The following SLC22A4 variants were observed in gnomAD, a reference collection of about 807,000 sequenced individuals.
The protein encoded by SLC22A4 is solute carrier family 22 member 4, also known as ET transporter.
In SLC22A4, 39 loss-of-function variants were observed where a neutral mutation model predicts 56.6. The ratio of observed to expected loss-of-function variants is 0.69; its 90% CI spans 0.53 to 0.90. The LOEUF is 0.90. Ranked by LOEUF, SLC22A4 falls within the 40% of genes least tolerant of loss-of-function variation. SLC22A4 has a pLI of 0.00. For missense variants in SLC22A4, 594 were observed against 696.5 expected (o/e 0.85, Z 1.66); for synonymous variants, 241 against 281.4 (o/e 0.86, Z 1.44).
chr5:132,343,019 GCTAT>G (rs1274472946), intron 9 of SLC22A4, among the ~76,000 whole-genome samples: 4 of 152,162 alleles, frequency 2.6e-5, no homozygotes, highest in African/African-American at 9.7e-5. Flanking sequence ...CCACCCTGAA[GCTAT>G]CTAAGGGCCC....
Position 132,340,557 on chromosome 5 carries a change from C to T in SLC22A4, c.1445-8C>T, listed in dbSNP as rs372338512. ...CTGATTGATGTTCTTATGTCCCGGG[C>T]TTTACAGGTGCTTACAACAGAATGC... On this transcript the variant is annotated splice_polypyrimidine_tract_variant and splice_region_variant and intron_variant, in intron 8 of 9. Coordinates refer to ENST00000200652, the MANE Select transcript of SLC22A4 (RefSeq NM_003059.3). 5.2e-4 allele frequency: 842 copies of T among 1,613,584 alleles called. 1 individual carries two copies. Among genetic ancestry groups the T allele is most frequent in the Non-Finnish European group, 6.0e-4 (703 of 1,179,674 alleles).
intron 5 of SLC22A4, among the ~76,000 whole-genome samples, chr5:132,329,708 G>C (rs1426240350): frequency 6.6e-6 from 1 of 152,178 alleles, no homozygotes; most frequent in African/African-American, 2.4e-5. Flanking sequence ...CTTGGCTTCA[G>C]AAGAAGCACC....
intron 3 of SLC22A4, among the ~76,000 whole-genome samples, chr5:132,319,455 T>C (rs1347886976): frequency 6.6e-6 from 1 of 152,204 alleles, no homozygotes; most frequent in East Asian, 1.9e-4. Context: ...TCTTGGAAGG[T>C]AGACCAGTAT....
At chr5:132,340,420 A>G (rs1009280474) in intron 8 of SLC22A4, 145 bp from the exon 9 acceptor site, 15 of 805,212 alleles carry the variant, frequency 1.9e-5, no homozygotes, top group Non-Finnish European at 3.1e-5. Context: ...AAAGAAACTG[A>G]TATTTTGCTT....
At chr5:132,341,533 A>G (rs1751218345) in intron 9 of SLC22A4, among the ~76,000 whole-genome samples, 2 of 152,230 alleles carry the variant, frequency 1.3e-5, no homozygotes, top group Admixed American at 6.5e-5. Flanking sequence ...ATAAAACCCA[A>G]GAAAATATAA....
chr5:132,321,440 T>A (rs561971136), intron 3 of SLC22A4, among the ~76,000 whole-genome samples: 1 of 152,270 alleles, frequency 6.6e-6, no homozygotes, highest in East Asian at 1.9e-4. Context: ...TTCAGAACTG[T>A]TGGAAAGGCT....
At chr5:132,325,480 C>T (rs1429055804) in intron 4 of SLC22A4, among the ~76,000 whole-genome samples, 1 of 152,074 alleles carries the variant, frequency 6.6e-6, no homozygotes, top group Non-Finnish European at 1.5e-5. Context: ...CCTATAGGGA[C>T]CCACTAAAGG....
chr5:132,322,094 A>G (rs1580835277), intron 3 of SLC22A4, 90 bp from the exon 4 acceptor site: 1 of 1,176,176 alleles, frequency 8.5e-7, no homozygotes, highest in East Asian at 2.4e-5. Flanking sequence ...CTAAGTGGTG[A>G]TAGTTTGAAC....
intron 4 of SLC22A4, among the ~76,000 whole-genome samples, chr5:132,323,986 A>T (rs1025324043): frequency 1.3e-5 from 2 of 152,180 alleles, no homozygotes; most frequent in Non-Finnish European, 2.9e-5. Flanking sequence ...TTAGCCCAGC[A>T]GTTCAAAACC....
At chr5:132,323,310 G>A (rs1251044861) in intron 4 of SLC22A4, among the ~76,000 whole-genome samples, 3 of 152,304 alleles carry the variant, frequency 2.0e-5, no homozygotes, top group African/African-American at 7.2e-5. Flanking sequence ...CCTGTCCTTT[G>A]GATACCTCCT....
intron 1 of SLC22A4, among the ~76,000 whole-genome samples, chr5:132,307,115 A>G (rs533046469): frequency 1.3e-5 from 2 of 152,370 alleles, no homozygotes; most frequent in South Asian, 2.1e-4. Context: ...TATAAATCAT[A>G]TCTCAATAAA....
intron 1 of SLC22A4, among the ~76,000 whole-genome samples, chr5:132,308,131 G>A (rs35316456): frequency 0.073 from 11,096 of 152,200 alleles, 541 homozygotes; most frequent in East Asian, 0.27. Flanking sequence ...TCTGCTGGAG[G>A]ATGGTGAGGA....
chr5:132,322,368 C>T lies in SLC22A4; in HGVS notation c.824+13C>T. ...TCCCGCTGTGGTGGTGAGTGTGACTCGTCCCCAGACAGGCCCTCTGCTGCG... is the reference window on the plus strand; with the variant it reads ...TCCCGCTGTGGTGGTGAGTGTGACTTGTCCCCAGACAGGCCCTCTGCTGCG... On this transcript the variant is annotated intron_variant, in intron 4 of 9. Coordinates refer to ENST00000200652, the MANE Select transcript of SLC22A4 (RefSeq NM_003059.3). The T allele has an allele frequency of 3.7e-6, 6 of 1,612,314 alleles. No individual in the cohort carries two copies. The highest frequency in any genetic ancestry group is 5.1e-6 in the Non-Finnish European group (6 of 1,179,290).
chr5:132,315,404 C>T (rs1420787765), intron 3 of SLC22A4, among the ~76,000 whole-genome samples: 12 of 152,140 alleles, frequency 7.9e-5, no homozygotes, highest in Admixed American at 7.9e-4. Flanking sequence ...CAGGTGGTGG[C>T]ATCCCCGGTT....
At chr5:132,334,675 C>T (rs202220757) in intron 6 of SLC22A4, 43 bp from the exon 7 acceptor site, 299 of 1,376,692 alleles carry the variant, frequency 2.2e-4, no homozygotes, top group Non-Finnish European at 2.7e-4. Flanking sequence ...AATTTTAGAG[C>T]GATTCACACC....
intron 3 of SLC22A4, among the ~76,000 whole-genome samples, chr5:132,321,421 TA>T (rs560826736): frequency 4.6e-5 from 7 of 152,112 alleles, no homozygotes; most frequent in Non-Finnish European, 1.0e-4. Flanking sequence ...AATGTCTGTT[TA>T]TTTACAGTTC....
intron 3 of SLC22A4, 80 bp from the exon 4 acceptor site, chr5:132,322,098 TTTGAAC>T: frequency 1.6e-6 from 2 of 1,235,622 alleles, no homozygotes; most frequent in Non-Finnish European, 2.4e-6. Flanking sequence ...GTGGTGATAG[TTTGAAC>T]TCTAACTGCC....
rs200185233 is a variant in SLC22A4 at position 132,331,767 on chromosome 5, C to A, written c.963C>A (p.Pro321=). The stretch of plus-strand genomic sequence containing the variant: ...TATTTTGGTTACAGGAGCTAAATCC[C>A]CTGAAGCAGCAGAAAGCTTTCATTC... The part of the protein sequence containing the change: ...VIFDSVEELN[P]LKQQKAFILD... Residue 321 remains proline, a synonymous_variant, in exon 6 of 10, where the codon CCC becomes CCA. Transcript: ENST00000200652. 1.2e-6 allele frequency: 2 copies of A among 1,612,886 alleles called. No individual in the cohort carries two copies. Among genetic ancestry groups the A allele is most frequent in the African/African-American group, 2.7e-5 (2 of 74,990 alleles).
chr5:132,300,215 G>C (rs1376894386), intron 1 of SLC22A4, among the ~76,000 whole-genome samples: 3 of 152,102 alleles, frequency 2.0e-5, no homozygotes, highest in Non-Finnish European at 4.4e-5. Flanking sequence ...CATACCAGTG[G>C]GTACATGATG....
Sources: allele counts gnomAD v4.1 joint callset (sites outside exome capture counted in the v4.1 genomes callset), GRCh38; gene constraint gnomAD v4.1.1; transcripts MANE v1.5; gene names NCBI Gene and HGNC (gene_info 2026-07-23, HGNC 2026-07-21).